The following NXPE1 variants were observed in gnomAD, a reference collection of about 807,000 sequenced individuals.
NXPE1 encodes NXPE family member 1.
A neutral mutation model predicts 33.3 loss-of-function variants in NXPE1; 31 were observed. That is an observed-to-expected ratio of 0.93 (90% CI 0.70 to 1.26). NXPE1 has a LOEUF of 1.26. NXPE1 is among the 50% of genes most tolerant of loss of function. NXPE1 has a pLI of 0.00. For missense variants in NXPE1, 661 were observed against 655.6 expected (o/e 1.01, Z -0.09); for synonymous variants, 229 against 231.4 (o/e 0.99, Z 0.09).
At chr11:114,538,830 T>C (rs1446159859) in intron 5 of NXPE1, among the ~76,000 whole-genome samples, 2 of 152,168 alleles carry the variant, frequency 1.3e-5, no homozygotes, top group Non-Finnish European at 1.5e-5. Flanking sequence ...TTTTACATTG[T>C]TGGTGGGACT....
intron 1 of NXPE1, among the ~76,000 whole-genome samples, chr11:114,558,345 T>C (rs538226831): frequency 6.6e-6 from 1 of 152,166 alleles, no homozygotes; most frequent in African/African-American, 2.4e-5. Flanking sequence ...TAGGCACACA[T>C]AGAGAACAAA....
In NXPE1 at chr11:114,551,380, T is replaced by C; in HGVS notation, c.-11+3A>G. On this transcript the variant is annotated splice_donor_region_variant and intron_variant, in intron 4 of 8. Transcript: ENST00000534921. ...AACTCATACCCCCAATCCCTTTGTC[T>C]ACCTATTGGATACTTCTTGTCGAGG... 4.3e-6 allele frequency: 6 copies of C among 1,386,738 alleles called. No homozygotes were observed. Among genetic ancestry groups the C allele is most frequent in the Non-Finnish European group, 5.6e-6 (6 of 1,074,802 alleles). 85.9% of individuals were successfully genotyped at this position (1,386,738 alleles called of 1,614,324 possible).
At chr11:114,547,778 T>C (rs1948333049) in intron 5 of NXPE1, among the ~76,000 whole-genome samples, 1 of 152,092 alleles carries the variant, frequency 6.6e-6, no homozygotes, top group African/African-American at 2.4e-5. Flanking sequence ...TGGATGGGAT[T>C]GTGGATGAGA....
At chr11:114,550,369 G>T (rs1263593478) in intron 5 of NXPE1, among the ~76,000 whole-genome samples, 3 of 152,058 alleles carry the variant, frequency 2.0e-5, no homozygotes, top group Non-Finnish European at 4.4e-5. Context: ...TGGTATTGAT[G>T]CATGAATAAA....
At chr11:114,529,153 C>T (rs560198042) in intron 6 of NXPE1, 175 of 226,714 alleles carry the variant, frequency 7.7e-4, no homozygotes, top group Middle Eastern at 7.1e-3. Context: ...TTTCTGTGAA[C>T]CTAGCATTCT....
At chr11:114,542,237 T>G (rs1390078633) in intron 5 of NXPE1, among the ~76,000 whole-genome samples, 1 of 152,190 alleles carries the variant, frequency 6.6e-6, no homozygotes, top group Non-Finnish European at 1.5e-5. Context: ...GTAAAATGTT[T>G]AAGAAAATCA....
intron 2 of NXPE1, 43 bp downstream of exon 2, chr11:114,552,809 T>A (rs1415620470): frequency 1.2e-6 from 1 of 854,824 alleles, no homozygotes; most frequent in Non-Finnish European, 1.4e-6. Flanking sequence ...AATCTCCTTT[T>A]CATAGATCTT....
intron 7 of NXPE1, chr11:114,526,415 A>G (rs1340316567): frequency 1.6e-5 from 2 of 123,174 alleles, no homozygotes; most frequent in African/African-American, 6.0e-5. Context: ...TATGAATTTT[A>G]TTTTATATTC....
chr11:114,530,459 G>T (rs144525360), exon 6 of NXPE1: 1 of 1,614,214 alleles, frequency 6.2e-7, no homozygotes, highest in Non-Finnish European at 8.5e-7. Context: ...CACTGGGGTG[G>T]ATGAGCAGCA....
chr11:114,551,516 A>G (rs1948482850), intron 3 of NXPE1, 75 bp from the exon 4 acceptor site: 1 of 635,472 alleles, frequency 1.6e-6, no homozygotes, highest in Non-Finnish European at 2.0e-6. Flanking sequence ...AGACATAACA[A>G]TTACAATGAG....
chr11:114,527,918 G>A lies in NXPE1; in HGVS notation c.834-17C>T. 1 of 1,536,094 alleles carries A rather than the reference G, an allele frequency of 6.5e-7. No individual in the cohort carries two copies. The highest frequency in any genetic ancestry group is 8.9e-7 in the Non-Finnish European group (1 of 1,118,320). On this transcript the variant is annotated splice_polypyrimidine_tract_variant and intron_variant, in intron 6 of 8. Coordinates refer to ENST00000534921, the Ensembl canonical transcript of NXPE1. ...ACTTTGGACCTTCAAAAAAAAAATA[G>A]AACAATAAATTAGCCTGCTCTCTGC...
In NXPE1 at chr11:114,530,313, TCA is replaced by T. The variant is rs1287150744; in HGVS notation, c.693_694del (p.Cys231Ter). 1 of 1,614,096 alleles carries T rather than the reference TCA, an allele frequency of 6.2e-7. No homozygotes were observed. The highest frequency in any genetic ancestry group is 1.3e-5 in the African/African-American group (1 of 74,922). On this transcript the variant is annotated stop_gained and frameshift_variant, in exon 6 of 9. Transcript: ENST00000534921. LOFTEE classifies it high-confidence loss of function. ...TTCTTGGTCTCTGTCATCCAGATATTCACAGAGTTCAGCATTTGAGTTTAGGG... is the reference window on the plus strand; with the variant it reads ...TTCTTGGTCTCTGTCATCCAGATATTCAGAGTTCAGCATTTGAGTTTAGGG...
intron 1 of NXPE1, among the ~76,000 whole-genome samples, chr11:114,558,384 G>C (rs577018642): frequency 1.1e-3 from 161 of 152,162 alleles, no homozygotes; most frequent in African/African-American, 3.6e-3. Context: ...TATTGGGTAC[G>C]TTTGCCTTGT....
chr11:114,557,665 AT>A (rs1480196935), intron 1 of NXPE1, among the ~76,000 whole-genome samples: 107 of 106,906 alleles, frequency 1.0e-3, no homozygotes, highest in Admixed American at 1.4e-3. Flanking sequence ...ATATATATAT[AT>A]ATATATAAAA....
In NXPE1 at chr11:114,527,847, A is replaced by G. The variant is rs370936440; in HGVS notation, c.888T>C (p.Asn296=). The G allele has an allele frequency of 1.2e-5, 20 of 1,606,842 alleles. No homozygotes were observed. In the African/African-American group the frequency reaches 2.0e-4, roughly 16 times the overall value. ...AGGACAGAGCCAACTTACTGTTACAATTAGTGACATCAATGTGTTTACGAT... is the reference window on the plus strand; with the variant it reads ...AGGACAGAGCCAACTTACTGTTACAGTTAGTGACATCAATGTGTTTACGAT... The change falls in exon 7 of 9, where the codon AAT becomes AAC. Residue 296 remains asparagine, a synonymous_variant. Transcript: ENST00000534921.
intron 6 of NXPE1, chr11:114,529,838 G>A (rs548334493): frequency 4.7e-4 from 113 of 240,416 alleles, no homozygotes; most frequent in Non-Finnish European, 7.5e-4. Context: ...ATGGATCAAC[G>A]CAAAGATATT....
chr11:114,554,173 C>G, intron 1 of NXPE1: 1 of 985,362 alleles, frequency 1.0e-6, no homozygotes, highest in Non-Finnish European at 1.2e-6. Context: ...CGCTAGTTGT[C>G]TCTTTCATCA....
intron 5 of NXPE1, among the ~76,000 whole-genome samples, chr11:114,539,423 T>C (rs1283448897): frequency 1.5e-5 from 2 of 136,226 alleles, no homozygotes; most frequent in Non-Finnish European, 3.0e-5. Context: ...CCCTAAAACT[T>C]AAAGTATAAT....
chr11:114,551,345 GCTAA>G, intron 4 of NXPE1, 34 bp downstream of exon 4: 5 of 1,401,208 alleles, frequency 3.6e-6, no homozygotes, highest in Non-Finnish European at 4.7e-6. Flanking sequence ...CTTTCCCTCT[GCTAA>G]CTAACAACTC....
Sources: allele counts gnomAD v4.1 joint callset (sites outside exome capture counted in the v4.1 genomes callset), GRCh38; gene constraint gnomAD v4.1.1; transcripts MANE v1.5; gene names NCBI Gene and HGNC (gene_info 2026-07-23, HGNC 2026-07-21).